CLVS1: variants seen among roughly 807,000 people sequenced by gnomAD.
The protein encoded by CLVS1 is clavesin-1.
Under a neutral mutation model 33.1 loss-of-function variants are expected in CLVS1, and 10 were observed. The ratio of observed to expected loss-of-function variants is 0.30; its 90% CI spans 0.19 to 0.51. The LOEUF (loss-of-function observed/expected upper bound fraction) is 0.51, where lower values mean the gene tolerates loss of function less well. Among genes scored for constraint, CLVS1 ranks in the 20% least tolerant of loss-of-function variants. The pLI is 0.97. For missense variants in CLVS1, 343 were observed against 433.4 expected (o/e 0.79, Z 1.85); for synonymous variants, 163 against 166.1 (o/e 0.98, Z 0.14).
chr8:61,143,558 G>A (rs1162994427), intron 2 of CLVS1, among the ~76,000 whole-genome samples: 3 of 151,802 alleles, frequency 2.0e-5, no homozygotes, highest in Admixed American at 1.3e-4. Context: ...AATCATGTAG[G>A]ACTCCCATAA....
chr8:61,435,678 C>T (rs1280205574), intron 3 of CLVS1, among the ~76,000 whole-genome samples: 2 of 150,586 alleles, frequency 1.3e-5, no homozygotes, highest in African/African-American at 4.9e-5. Flanking sequence ...GATGCACCAC[C>T]ACAAAGTGTT....
intron 2 of CLVS1, among the ~76,000 whole-genome samples, chr8:61,192,788 A>G (rs1265065958): frequency 1.3e-5 from 2 of 152,246 alleles, no homozygotes; most frequent in Non-Finnish European, 2.9e-5. Context: ...ATCACTGGCC[A>G]TCAGAGAAAT....
intron 2 of CLVS1, among the ~76,000 whole-genome samples, chr8:61,376,103 C>G (rs1284981360): frequency 6.6e-6 from 1 of 152,138 alleles, no homozygotes; most frequent in Non-Finnish European, 1.5e-5. Flanking sequence ...ATGAATGTTT[C>G]TACATTCTTA....
At chr8:61,178,124 TA>T (rs1360318374) in intron 2 of CLVS1, among the ~76,000 whole-genome samples, 1 of 152,096 alleles carries the variant, frequency 6.6e-6, no homozygotes. Flanking sequence ...AGCTGCTAAC[TA>T]GAATAATCAG....
intron 1 of CLVS1, among the ~76,000 whole-genome samples, chr8:61,070,827 A>G (rs984087758): frequency 1.3e-5 from 2 of 152,242 alleles, no homozygotes; most frequent in Non-Finnish European, 2.9e-5. Context: ...TGGGTGACAG[A>G]GTGAGACCCT....
At chr8:61,445,773 T>G (rs990445750) in intron 3 of CLVS1, among the ~76,000 whole-genome samples, 25 of 152,214 alleles carry the variant, frequency 1.6e-4, no homozygotes, top group Non-Finnish European at 3.7e-4. Flanking sequence ...CAGTGGAATC[T>G]CCTAGTAAAA....
At chr8:60,985,915 G>A in the CLVS1 span, among the ~76,000 whole-genome samples, 1 of 152,052 alleles carries the variant, frequency 6.6e-6, no homozygotes, top group African/African-American at 2.4e-5. Flanking sequence ...GCAATCACCA[G>A]GGCCTGTAGA....
chr8:61,407,603 G>T (rs1297358202), intron 3 of CLVS1, among the ~76,000 whole-genome samples: 1 of 152,128 alleles, frequency 6.6e-6, no homozygotes, highest in African/African-American at 2.4e-5. Flanking sequence ...ATTATTGGAG[G>T]AAAAATAGAT....
At chr8:61,079,069 G>A (rs367734157) in intron 1 of CLVS1, among the ~76,000 whole-genome samples, 27 of 152,238 alleles carry the variant, frequency 1.8e-4, no homozygotes, top group African/African-American at 6.0e-4. Context: ...TCTGAAAGAC[G>A]TTATTGGGGG....
chr8:61,134,218 C>G (rs1337223365), intron 2 of CLVS1, among the ~76,000 whole-genome samples: 1 of 152,152 alleles, frequency 6.6e-6, no homozygotes, highest in Non-Finnish European at 1.5e-5. Context: ...CTCCACTCTG[C>G]TCAGCACATG....
At chr8:61,197,005 A>G (rs959689057) in intron 2 of CLVS1, among the ~76,000 whole-genome samples, 6 of 152,166 alleles carry the variant, frequency 3.9e-5, no homozygotes, top group African/African-American at 1.2e-4. Flanking sequence ...TGCTTCATCC[A>G]TGTAGACAGC....
At chr8:61,266,681 T>A (rs1251529348) in intron 2 of CLVS1, among the ~76,000 whole-genome samples, 1 of 152,210 alleles carries the variant, frequency 6.6e-6, no homozygotes, top group African/African-American at 2.4e-5. Flanking sequence ...ATCAGTGTTG[T>A]CCCTGTGGCA....
chr8:61,019,221 C>A, the CLVS1 span, among the ~76,000 whole-genome samples: 1 of 152,234 alleles, frequency 6.6e-6, no homozygotes, highest in Admixed American at 6.5e-5. Flanking sequence ...CTTCTCCCAT[C>A]GTAAAGATTC....
chr8:61,133,668 C>G (rs1225812129), intron 2 of CLVS1, among the ~76,000 whole-genome samples: 1 of 152,138 alleles, frequency 6.6e-6, no homozygotes, highest in Non-Finnish European at 1.5e-5. Flanking sequence ...TGCCAAAACA[C>G]ATCGGAAGGA....
intron 1 of CLVS1, among the ~76,000 whole-genome samples, chr8:61,289,078 C>T (rs1290752127): frequency 6.6e-6 from 1 of 152,124 alleles, no homozygotes; most frequent in Non-Finnish European, 1.5e-5. Flanking sequence ...GATCCCTTGC[C>T]CAAATGGCAA....
intron 2 of CLVS1, among the ~76,000 whole-genome samples, chr8:61,316,774 A>G (rs1811023879): frequency 1.3e-5 from 2 of 152,208 alleles, no homozygotes; most frequent in African/African-American, 4.8e-5. Context: ...ATGAGAGCTC[A>G]GGTGCCTGTG....
intron 5 of CLVS1, among the ~76,000 whole-genome samples, chr8:61,477,885 G>A (rs1656138469): frequency 6.6e-6 from 1 of 152,122 alleles, no homozygotes; most frequent in African/African-American, 2.4e-5. Flanking sequence ...TTTTAATTGT[G>A]ATGTTAGGGT....
At chr8:61,127,251 G>A (rs371676453) in intron 1 of CLVS1, among the ~76,000 whole-genome samples, 3 of 146,790 alleles carry the variant, frequency 2.0e-5, no homozygotes, top group Non-Finnish European at 4.5e-5. Context: ...TTTCGCTCTT[G>A]TTGCCCAGGC....
intron 3 of CLVS1, among the ~76,000 whole-genome samples, chr8:61,431,427 C>A (rs899872781): frequency 6.6e-6 from 1 of 152,180 alleles, no homozygotes; most frequent in Non-Finnish European, 1.5e-5. Flanking sequence ...AACCCTTCAG[C>A]ATCAATACTG....
Sources: gnomAD v4.1 joint callset for allele counts (sites outside exome capture counted in the v4.1 genomes callset) on GRCh38, gnomAD v4.1.1 for gene constraint, MANE v1.5 for transcripts, NCBI Gene and HGNC (gene_info 2026-07-23, HGNC 2026-07-21) for gene names.